The following GRIN1 variants were observed in gnomAD, a reference collection of about 807,000 sequenced individuals.
The protein encoded by GRIN1 is glutamate ionotropic receptor NMDA type subunit 1.
In GRIN1, 38 loss-of-function variants were observed where a neutral mutation model predicts 103.0. The ratio of observed to expected loss-of-function variants is 0.37; its 90% CI spans 0.28 to 0.48. GRIN1 has a LOEUF of 0.48. Ranked by LOEUF, GRIN1 falls within the 20% of genes least tolerant of loss-of-function variation. The pLI, the probability that GRIN1 is intolerant of heterozygous loss-of-function variation, is 0.98. For synonymous variants in GRIN1, 544 were observed against 532.7 expected (o/e 1.02, Z -0.29); for missense variants, 577 against 1,288.9 (o/e 0.45, Z 8.46).
At position 137,151,899 on chromosome 9, in the gene GRIN1, C is replaced by CTTTTTT. The variant is rs138380793; in HGVS notation, c.671+2806_671+2811dup. Among the ~76,000 whole-genome samples the CTTTTTT allele has an allele frequency of 2.6e-4, 24 of 93,466 alleles. 1 individual carries two copies. Among genetic ancestry groups the CTTTTTT allele is most frequent in the African/African-American group, 5.4e-4 (12 of 22,322 alleles). 61.3% of individuals were successfully genotyped at this position (93,466 alleles called of 152,430 possible). A position where few individuals can be genotyped will look rare whatever the true frequency, so the allele number is the denominator to read the frequency against. On this transcript the variant is annotated intron_variant, in intron 4 of 19. Transcript: ENST00000371561. ...CAGACTGGTCTCGAACTTGTGGCCT[C>CTTTTTT]TTTTTTTTTTTTTTTTTTTTTCTTT...
Position 137,168,091 on chromosome 9 carries a change from G to C in GRIN1, c.*564G>C. 1 of 581,524 alleles carries C rather than the reference G, an allele frequency of 1.7e-6. No homozygotes were observed. The highest frequency in any genetic ancestry group is 3.1e-6 in the Non-Finnish European group (1 of 327,550). 36.0% of individuals were successfully genotyped at this position (581,524 alleles called of 1,614,324 possible). On this transcript the variant is annotated 3_prime_UTR_variant, in exon 20 of 20. Transcript: ENST00000371561. ...GCCGCAGGGCGCTCCGGCAGAGGCA[G>C]GGCCCTGGGGTCTCTGAGCAGTGGG...
chr9:137,140,300 G>A (rs1339851654), intron 1 of GRIN1, among the ~76,000 whole-genome samples: 1 of 152,222 alleles, frequency 6.6e-6, no homozygotes, highest in African/African-American at 2.4e-5. Flanking sequence ...TCGGCAGCCA[G>A]CGCTGCGGGG....
intron 4 of GRIN1, among the ~76,000 whole-genome samples, chr9:137,152,642 C>T (rs1337953273): frequency 2.6e-5 from 4 of 152,254 alleles, no homozygotes; most frequent in South Asian, 2.1e-4. Context: ...AGGTTGACCC[C>T]GCGTTGCCAG....
chr9:137,153,309 C>T (rs1258273541), intron 4 of GRIN1, among the ~76,000 whole-genome samples: 3 of 149,332 alleles, frequency 2.0e-5, no homozygotes, highest in Non-Finnish European at 4.4e-5. Context: ...ACCATAGTCA[C>T]ACCATGCATC....
At chr9:137,161,785 G>T (rs1833566747) in intron 10 of GRIN1, 139 bp from the exon 11 acceptor site, 1 of 869,102 alleles carries the variant, frequency 1.2e-6, no homozygotes, top group Admixed American at 2.0e-5. Flanking sequence ...CGGGGCTGGA[G>T]TGGGGTGGGG....
Position 137,168,324 on chromosome 9 carries a change from G to C in GRIN1, c.*797G>C, listed in dbSNP as rs1833987759. On this transcript the variant is annotated 3_prime_UTR_variant, in exon 20 of 20. Coordinates refer to ENST00000371561, the MANE Select transcript of GRIN1 (RefSeq NM_007327.4). ...CCCACCCACACCCCGTCTGCCCCTT[G>C]ACCCCACACGCCGGGGCTGGCCCTG... 1 of 199,750 alleles carries C rather than the reference G, an allele frequency of 5.0e-6. No individual in the cohort carries two copies. Among genetic ancestry groups the C allele is most frequent in the South Asian group, 8.3e-5 (1 of 12,106 alleles). The allele number at this position is 199,750 out of a possible 1,614,324, so 12.4% of individuals were successfully genotyped here.
At chr9:137,150,985 A>C in intron 4 of GRIN1, among the ~76,000 whole-genome samples, 1 of 148,184 alleles carries the variant, frequency 6.7e-6, no homozygotes, top group Non-Finnish European at 1.5e-5. Context: ...GCCCAGAGAA[A>C]AGACCCGCCC....
At chr9:137,163,472 G>A in intron 16 of GRIN1, 87 bp from the exon 17 acceptor site, 2 of 1,363,172 alleles carry the variant, frequency 1.5e-6, no homozygotes, top group Non-Finnish European at 2.1e-6. Context: ...ACCCTACCCC[G>A]CAGGCCCCGC....
At chr9:137,165,412 G>T in intron 19 of GRIN1, 116 bp downstream of exon 19, 1 of 747,350 alleles carries the variant, frequency 1.3e-6, no homozygotes. Context: ...CTCTGCCCCT[G>T]TCTCCCTGTG....
At chr9:137,151,247 A>C (rs1832885946) in intron 4 of GRIN1, among the ~76,000 whole-genome samples, 1 of 148,370 alleles carries the variant, frequency 6.7e-6, no homozygotes, top group Non-Finnish European at 1.5e-5. Context: ...GCCCAGAAAA[A>C]AGACCAGCCC....
intron 2 of GRIN1, among the ~76,000 whole-genome samples, chr9:137,145,304 G>C (rs1261529270): frequency 8.9e-6 from 1 of 112,256 alleles, no homozygotes; most frequent in Non-Finnish European, 1.9e-5. Context: ...TGTCCCCAGA[G>C]GGGTGGGGAC....
intron 8 of GRIN1, among the ~76,000 whole-genome samples, chr9:137,160,135 A>G (rs1045618398): frequency 1.3e-5 from 2 of 152,234 alleles, no homozygotes; most frequent in African/African-American, 4.8e-5. Flanking sequence ...CGAAGAGGCC[A>G]CGGCGCGGTG....
At position 137,162,410 on chromosome 9, in the gene GRIN1, C is replaced by T. The variant is rs1156981329; in HGVS notation, c.1758C>T (p.Phe586=). ...MLYLLDRFSP[F]GRFKVNSEEE... ...CGCCCTCTGCGCCCCGCAGCCCCTT[C>T]GGCCGGTTCAAGGTGAACAGCGAGG... The change falls in exon 13 of 20, where the codon TTC becomes TTT. Residue 586 remains phenylalanine (F), a synonymous_variant. Transcript: ENST00000371561. The T allele has an allele frequency of 1.9e-6, 3 of 1,604,938 alleles. No individual in the cohort carries two copies. Among genetic ancestry groups the T allele is most frequent in the Non-Finnish European group, 2.5e-6 (3 of 1,179,340 alleles).
chr9:137,156,748 G>T lies in GRIN1; in HGVS notation c.751G>T (p.Glu251Ter). 6.3e-7 allele frequency: 1 copy of T among 1,586,866 alleles called. No individual in the cohort carries two copies. The highest frequency in any genetic ancestry group is 2.3e-5 in the East Asian group (1 of 43,112). Residue 251 changes from glutamate to a stop codon, truncating the protein, a stop_gained, in exon 5 of 20, where the codon GAG becomes TAG. Transcript: ENST00000371561. LOFTEE classifies it high-confidence loss of function. ...TGSGYVWLVG[E>*]REISGNALRY... ...CTCCGGGTACGTGTGGCTGGTCGGC[G>T]AGCGCGAGATCTCGGGGAACGCCCT...
rs201475721 is a variant in GRIN1, at chr9:137,142,111, G to A, written c.357G>A (p.Leu119=). The A allele has an allele frequency of 2.4e-5, 38 of 1,614,190 alleles. No homozygotes were observed. The highest frequency in any genetic ancestry group is 3.1e-5 in the Non-Finnish European group (36 of 1,180,022). ...CCGGCTTCTACCGCATACCCGTGCTGGGGCTGACCACCCGCATGTCCATCT... is the reference window on the plus strand; with the variant it reads ...CCGGCTTCTACCGCATACCCGTGCTAGGGCTGACCACCCGCATGTCCATCT... ...YTAGFYRIPV[L]GLTTRMSIYS... is the part of the protein sequence containing the mutation. Residue 119 remains leucine (L), a synonymous_variant, in exon 2 of 20, where the codon CTG becomes CTA. Transcript: ENST00000371561.
intron 3 of GRIN1, chr9:137,148,057 G>C (rs1290364040): frequency 3.8e-6 from 3 of 786,618 alleles, no homozygotes; most frequent in East Asian, 5.8e-5. Flanking sequence ...CAGACGTGCC[G>C]AGGAGGTGGT....
At chr9:137,153,056 C>G (rs574578772) in intron 4 of GRIN1, among the ~76,000 whole-genome samples, 1 of 151,564 alleles carries the variant, frequency 6.6e-6, no homozygotes, top group East Asian at 1.9e-4. Flanking sequence ...AACACATACA[C>G]GTGCACACAT....
chr9:137,165,324 G>A lies in GRIN1; in HGVS notation c.2700+28G>A, dbSNP rs200019896. 2.5e-5 allele frequency: 35 copies of A among 1,375,322 alleles called. 1 individual carries two copies. Among genetic ancestry groups the A allele is most frequent in the East Asian group, 4.6e-5 (2 of 43,834 alleles). 85.2% of individuals were successfully genotyped at this position (1,375,322 alleles called of 1,614,324 possible). A position where few individuals can be genotyped will look rare whatever the true frequency, so the allele number is the denominator to read the frequency against. Reference sequence around the variant, plus strand: ...AAGGGGGAGAGCACCCCAGTCCCGCGTCCGACTCCACCTGCCCTGCCCTGC... The same window carrying A: ...AAGGGGGAGAGCACCCCAGTCCCGCATCCGACTCCACCTGCCCTGCCCTGC... On this transcript the variant is annotated intron_variant, in intron 19 of 19. Coordinates refer to ENST00000371561, the MANE Select transcript of GRIN1 (RefSeq NM_007327.4).
intron 4 of GRIN1, among the ~76,000 whole-genome samples, chr9:137,152,647 T>G (rs1832973721): frequency 6.6e-6 from 1 of 152,162 alleles, no homozygotes; most frequent in African/African-American, 2.4e-5. Context: ...GACCCCGCGT[T>G]GCCAGCCTCA....
Sources: allele counts gnomAD v4.1 joint callset (sites outside exome capture counted in the v4.1 genomes callset), GRCh38; gene constraint gnomAD v4.1.1; transcripts MANE v1.5; gene names NCBI Gene and HGNC (gene_info 2026-07-23, HGNC 2026-07-21).